Variants in WWP2 observed in about 807,000 individuals in gnomAD.
The protein encoded by WWP2 is WW domain containing E3 ubiquitin protein ligase 2.
WWP2 carries 57 observed loss-of-function variants against 121.0 expected under a neutral mutation model. The ratio of observed to expected loss-of-function variants is 0.47; its 90% confidence interval spans 0.38 to 0.59. WWP2 has a LOEUF of 0.59. WWP2 is among the 20% of genes least tolerant of loss of function. The pLI, the probability that WWP2 is intolerant of heterozygous loss-of-function variation, is 0.00. For missense variants in WWP2, 962 were observed against 1,158.9 expected, an observed-to-expected ratio of 0.83 and a Z score of 2.47; for synonymous variants, 449 against 441.3, an observed-to-expected ratio of 1.02 and a Z score of -0.22.
intron 8 of WWP2, among the ~76,000 whole-genome samples, chr16:69,901,407 G>A (rs900513463): frequency 6.6e-6 from 1 of 152,062 alleles, no homozygotes; most frequent in African/African-American, 2.4e-5. Context: ...AAGGGTTCAG[G>A]TGTGGTCTTA....
chr16:69,786,641 G>A (rs752100569), intron 1 of WWP2, among the ~76,000 whole-genome samples: 5 of 151,488 alleles, frequency 3.3e-5, no homozygotes, highest in African/African-American at 4.9e-5. Context: ...AGTAGAGACG[G>A]GGTTTTGCCA....
intron 7 of WWP2, among the ~76,000 whole-genome samples, chr16:69,881,785 G>A (rs2057833996): frequency 6.6e-6 from 1 of 152,188 alleles, no homozygotes; most frequent in Non-Finnish European, 1.5e-5. Flanking sequence ...TCCCCTTCCT[G>A]GGCTCAAGCG....
intron 6 of WWP2, among the ~76,000 whole-genome samples, chr16:69,864,638 C>T (rs568258970): frequency 3.9e-4 from 59 of 151,936 alleles, no homozygotes; most frequent in East Asian, 2.1e-3. Flanking sequence ...CCACCTTGGC[C>T]TCTCGGGGTT....
intron 4 of WWP2, among the ~76,000 whole-genome samples, chr16:69,824,897 A>T (rs1162679039): frequency 1.3e-5 from 2 of 151,228 alleles, no homozygotes; most frequent in East Asian, 4.0e-4. Context: ...CAGCCTCCCA[A>T]GGAGCTGGGA....
intron 5 of WWP2, among the ~76,000 whole-genome samples, chr16:69,840,591 GT>G (rs2056959877): frequency 1.3e-5 from 2 of 152,166 alleles, no homozygotes; most frequent in Non-Finnish European, 2.9e-5. Context: ...TCCCAATACA[GT>G]TACACTTTTT....
rs746439395 is a variant in WWP2, at chr16:69,935,907, C to G, written c.1897C>G (p.Arg633Gly). The G allele has an allele frequency of 1.2e-6, 2 of 1,614,058 alleles. No homozygotes were observed. The highest frequency in any genetic ancestry group is 4.5e-5 in the East Asian group (2 of 44,874). ...GGGCTTCACCCTCCCTTTCTACAAGCGGATGCTCAATAAGAGACCAACCCT... is the reference window on the plus strand; with the variant it reads ...GGGCTTCACCCTCCCTTTCTACAAGGGGATGCTCAATAAGAGACCAACCCT... ...DTGFTLPFYK[R>G]MLNKRPTLKD... The change falls in exon 18 of 24, where the codon CGG becomes GGG. Residue 633 changes from arginine to glycine, a missense_variant. Physicochemically the swap from Arg to Gly is moderately radical, Grantham distance 125. Transcript: ENST00000359154. This position sits in a 1 kb window ranked among gnomAD's most constrained non-coding sequence, Gnocchi z 5.2.
chr16:69,856,413 A>G (rs568138281), intron 6 of WWP2, among the ~76,000 whole-genome samples: 10 of 152,322 alleles, frequency 6.6e-5, no homozygotes, highest in African/African-American at 2.4e-4. Flanking sequence ...AAAACTTGCC[A>G]AATTGTACCC....
chr16:69,891,062 G>A (rs1443707248), intron 8 of WWP2, among the ~76,000 whole-genome samples: 2 of 152,184 alleles, frequency 1.3e-5, no homozygotes, highest in African/African-American at 4.8e-5. Context: ...GGAGGGCTCT[G>A]TGGGCTGACT....
At chr16:69,792,205 G>A (rs2055928093) in intron 2 of WWP2, among the ~76,000 whole-genome samples, 1 of 152,096 alleles carries the variant, frequency 6.6e-6, no homozygotes, top group South Asian at 2.1e-4. Context: ...AATGCATCGA[G>A]GCCCTTAAAC....
rs761549561 is a variant in WWP2, at chr16:69,845,222, T to C, written c.575+3102T>C. Among the ~76,000 whole-genome samples the C allele has an allele frequency of 6.5e-4, 99 of 152,268 alleles. 1 individual carries two copies. The highest frequency in any genetic ancestry group is 3.7e-3 in the Admixed American group (56 of 15,290). ...ATGAGGCATGTCAGTCAGAGGGCCT[T>C]ACACAACGGGAGCACTCGGTGGAAG... On this transcript the variant is annotated intron_variant, in intron 6 of 23. Transcript: ENST00000359154.
intron 13 of WWP2, 84 bp from the exon 14 acceptor site, chr16:69,931,068 C>G: frequency 2.3e-6 from 3 of 1,325,948 alleles, no homozygotes; most frequent in Non-Finnish European, 2.2e-6. Flanking sequence ...TAACATAGCA[C>G]CAGCTTTCCT....
chr16:69,807,230 T>G (rs1217990018), intron 4 of WWP2, among the ~76,000 whole-genome samples: 2 of 152,104 alleles, frequency 1.3e-5, no homozygotes, highest in Non-Finnish European at 2.9e-5. Flanking sequence ...AGATGGGGTT[T>G]CACCATGTTG....
At chr16:69,885,494 G>C (rs1240722934) in intron 7 of WWP2, among the ~76,000 whole-genome samples, 1 of 152,206 alleles carries the variant, frequency 6.6e-6, no homozygotes, top group Non-Finnish European at 1.5e-5. Context: ...GCTCTTACCT[G>C]TTTGTTAAGA....
At chr16:69,763,688 CTCTT>C (rs548915527) in intron 1 of WWP2, among the ~76,000 whole-genome samples, 1 of 152,204 alleles carries the variant, frequency 6.6e-6, no homozygotes, top group Non-Finnish European at 1.5e-5. Context: ...CAATTTATTG[CTCTT>C]TCTTGTTTGC....
intron 8 of WWP2, among the ~76,000 whole-genome samples, chr16:69,898,970 C>T (rs964746524): frequency 6.6e-6 from 1 of 152,190 alleles, no homozygotes; most frequent in Non-Finnish European, 1.5e-5. Flanking sequence ...TCCCAAAGTG[C>T]TGGGATTACA....
intron 1 of WWP2, among the ~76,000 whole-genome samples, chr16:69,786,442 CTTTT>C (rs957224996): frequency 4.7e-5 from 4 of 85,406 alleles, no homozygotes; most frequent in East Asian, 3.2e-4. Flanking sequence ...CCCAGCCAAT[CTTTT>C]TTTTTTTTTT....
At chr16:69,786,390 C>T (rs1005565228) in intron 1 of WWP2, among the ~76,000 whole-genome samples, 3 of 150,842 alleles carry the variant, frequency 2.0e-5, no homozygotes, top group African/African-American at 4.9e-5. Flanking sequence ...GTAATCCACC[C>T]GCCTCCCAAA....
intron 2 of WWP2, among the ~76,000 whole-genome samples, chr16:69,790,556 C>A (rs2055887549): frequency 6.6e-6 from 1 of 151,942 alleles, no homozygotes; most frequent in Admixed American, 6.6e-5. Context: ...TAAAGGTCAA[C>A]TGTATGATGT....
chr16:69,776,373 G>T (rs1809523575), intron 1 of WWP2: 1 of 152,134 alleles, frequency 6.6e-6, no homozygotes, highest in Admixed American at 6.6e-5. Context: ...GGATAATCTT[G>T]TAAAGAAGGA....
Sources: allele counts gnomAD v4.1 joint callset (sites outside exome capture counted in the v4.1 genomes callset), GRCh38; gene constraint gnomAD v4.1.1; non-coding constraint Gnocchi (gnomAD v3.1); transcripts MANE v1.5; gene names NCBI Gene and HGNC (gene_info 2026-07-23, HGNC 2026-07-21).